The following PTPN13 variants were observed in gnomAD, a reference collection of about 807,000 sequenced individuals.
The protein encoded by PTPN13 is tyrosine-protein phosphatase non-receptor type 13.
Under a neutral mutation model 284.0 loss-of-function variants are expected in PTPN13, and 191 were observed. That is an observed-to-expected ratio of 0.67 (90% confidence interval 0.60 to 0.76). The LOEUF (loss-of-function observed/expected upper bound fraction) is 0.76, where lower values mean the gene tolerates loss of function less well. PTPN13 is among the 30% of genes least tolerant of loss of function. The pLI is 0.00. For synonymous variants in PTPN13, 986 were observed against 1,022.3 expected (o/e 0.96, Z 0.68); for missense variants, 2,797 against 2,939.9 (o/e 0.95, Z 1.12).
rs771989461 is a variant in PTPN13, at chr4:86,770,175, A to C, written c.4779A>C (p.Leu1593=). The stretch of plus-strand genomic sequence containing the variant: ...TCTGCAGACCTCCACCTGGTGTGCT[A>C]CCGGAAATTGATACTGCGCTTTTGG... ...LLLCRPPPGV[L]PEIDTALLTP... The change falls in exon 30 of 48, where the codon CTA becomes CTC. Residue 1593 remains leucine, a synonymous_variant. Transcript: ENST00000411767. 6.2e-7 allele frequency: 1 copy of C among 1,613,640 alleles called. No homozygotes were observed. The highest frequency in any genetic ancestry group is 8.5e-7 in the Non-Finnish European group (1 of 1,179,680).
In PTPN13 at chr4:86,686,725, C is replaced by T; in HGVS notation, c.310C>T (p.Leu104Phe). 6.4e-7 allele frequency: 1 copy of T among 1,571,724 alleles called. No individual in the cohort carries two copies. Among genetic ancestry groups the T allele is most frequent in the Non-Finnish European group, 8.6e-7 (1 of 1,157,358 alleles). ...SDVEKIHIYS[L>F]GMTLYWGADY... ...CTATTCCTAGATCCACATTTATTCTCTTGGAATGACACTGTATTGGGGGGC... is the reference window on the plus strand; with the variant it reads ...CTATTCCTAGATCCACATTTATTCTTTTGGAATGACACTGTATTGGGGGGC... The change falls in exon 4 of 48, where the codon CTT becomes TTT. Residue 104 changes from leucine (L) to phenylalanine (F), a missense_variant. Transcript: ENST00000411767.
At chr4:86,624,705 A>G (rs1721635287) in intron 1 of PTPN13, among the ~76,000 whole-genome samples, 1 of 152,092 alleles carries the variant, frequency 6.6e-6, no homozygotes, top group South Asian at 2.1e-4. Flanking sequence ...AGTTGCAGCT[A>G]CTTGGGAGGC....
intron 40 of PTPN13, 51 bp downstream of exon 40, chr4:86,785,987 G>C: frequency 1.9e-6 from 2 of 1,052,786 alleles, no homozygotes; most frequent in Non-Finnish European, 2.7e-6. Flanking sequence ...TTACAATTAT[G>C]GGTTTAACCC....
chr4:86,694,414 C>G (rs1480186263), intron 6 of PTPN13, among the ~76,000 whole-genome samples: 1 of 151,236 alleles, frequency 6.6e-6, no homozygotes, highest in African/African-American at 2.4e-5. Context: ...AATCCCATCT[C>G]TCTAAAAATA....
intron 40 of PTPN13, among the ~76,000 whole-genome samples, chr4:86,793,678 T>C (rs146513517): frequency 0.14 from 20,685 of 152,072 alleles, 1,798 homozygotes; most frequent in East Asian, 0.3. Flanking sequence ...TGCAATCAAA[T>C]TAGAACTCAG....
intron 9 of PTPN13, among the ~76,000 whole-genome samples, chr4:86,719,094 A>G (rs1485838904): frequency 6.6e-6 from 1 of 152,172 alleles, no homozygotes; most frequent in Non-Finnish European, 1.5e-5. Context: ...AGCCCAGTAC[A>G]CAACAGTTAT....
At chr4:86,772,713 G>T in intron 31 of PTPN13, 65 bp from the exon 32 acceptor site, 1 of 1,317,600 alleles carries the variant, frequency 7.6e-7, no homozygotes, top group East Asian at 2.4e-5. Flanking sequence ...TCTGTTTCTG[G>T]CACAAACTAA....
At chr4:86,808,269 G>A (rs1744860562) in intron 45 of PTPN13, among the ~76,000 whole-genome samples, 1 of 152,200 alleles carries the variant, frequency 6.6e-6, no homozygotes, top group South Asian at 2.1e-4. Flanking sequence ...AAATCTTTAA[G>A]TAGAAAATAT....
Position 86,706,765 on chromosome 4 carries a change from A to G in PTPN13, c.1195+4964A>G, listed in dbSNP as rs147706443. ...ACTGCGATTATTAAGTTAACTTTTC[A>G]GATAGTTCTCTACATACGTAAAGCA... On this transcript the variant is annotated intron_variant, in intron 7 of 47. Transcript: ENST00000411767. 3.6e-3 allele frequency among the ~76,000 whole-genome samples: 541 copies of G among 152,340 alleles called. 3 individuals carry two copies. The highest frequency in any genetic ancestry group is 0.012 in the African/African-American group (514 of 41,570).
Position 86,672,548 on chromosome 4 carries a change from C to T in PTPN13, c.294+5C>T. 1 of 1,589,302 alleles carries T rather than the reference C, an allele frequency of 6.3e-7. No individual in the cohort carries two copies. Among genetic ancestry groups the T allele is most frequent in the Non-Finnish European group, 8.6e-7 (1 of 1,166,828 alleles). On this transcript the variant is annotated splice_donor_5th_base_variant and intron_variant, in intron 3 of 47. Coordinates refer to ENST00000411767, the MANE Select transcript of PTPN13 (RefSeq NM_080683.3). The stretch of plus-strand genomic sequence containing the variant: ...TCTCTCTCAGATGTTGAAAAGGTAA[C>T]TGTTAAATTTTTTTGTTTGTTTTTT...
chr4:86,807,703 A>G lies in PTPN13; in HGVS notation c.6889A>G (p.Ile2297Val), dbSNP rs1165628972. 6.2e-7 allele frequency: 1 copy of G among 1,614,040 alleles called. No individual in the cohort carries two copies. Among genetic ancestry groups the G allele is most frequent in the South Asian group, 1.1e-5 (1 of 91,080 alleles). The change falls in exon 45 of 48, where the codon ATT becomes GTT. Residue 2297 changes from isoleucine to valine, a missense_variant. Physicochemically the swap from Ile to Val is conservative, Grantham distance 29. Coordinates refer to ENST00000411767, the MANE Select transcript of PTPN13 (RefSeq NM_080683.3). ...PTTVGDFWQM[I>V]WEQKSTVIAM... Reference sequence around the variant, plus strand: ...AACTGTTGGAGACTTCTGGCAGATGATTTGGGAGCAAAAATCCACAGTGAT... The same window carrying G: ...AACTGTTGGAGACTTCTGGCAGATGGTTTGGGAGCAAAAATCCACAGTGAT...
At position 86,769,871 on chromosome 4, in the gene PTPN13, T is replaced by G. The variant is rs975149655; in HGVS notation, c.4592T>G (p.Val1531Gly). The change falls in exon 29 of 48, where the codon GTA (valine) becomes GGA (glycine). Residue 1531 changes from valine to glycine, a missense_variant. Coordinates refer to ENST00000411767, the MANE Select transcript of PTPN13 (RefSeq NM_080683.3). ...LIPEQINASI[V>G]RVKKLFPGQP... is the part of the protein sequence containing the mutation. Reference sequence around the variant, plus strand: ...CCGGAGCAAATTAATGCCAGCATAGTAAGGGTTAAAAAGCTCTTTCCTGGA... The same window carrying G: ...CCGGAGCAAATTAATGCCAGCATAGGAAGGGTTAAAAAGCTCTTTCCTGGA... 3.1e-6 allele frequency: 5 copies of G among 1,613,922 alleles called. No individual in the cohort carries two copies. The highest frequency in any genetic ancestry group is 4.2e-6 in the Non-Finnish European group (5 of 1,179,832).
chr4:86,688,863 A>C, intron 4 of PTPN13, 142 bp from the exon 5 acceptor site: 1 of 568,892 alleles, frequency 1.8e-6, no homozygotes, highest in South Asian at 3.7e-5. Context: ...TAAAATGCTT[A>C]TGCTGATAAA....
intron 4 of PTPN13, among the ~76,000 whole-genome samples, chr4:86,687,054 A>G (rs945140170): frequency 6.6e-6 from 1 of 152,264 alleles, no homozygotes; most frequent in African/African-American, 2.4e-5. Flanking sequence ...TTCAAAAATT[A>G]TAGCAAGATA....
In PTPN13 at chr4:86,758,809, C is replaced by G. The variant is rs200183883; in HGVS notation, c.3421+24C>G. On this transcript the variant is annotated intron_variant, in intron 22 of 47. Coordinates refer to ENST00000411767, the MANE Select transcript of PTPN13 (RefSeq NM_080683.3). ...AGGTACTTTACATTTTGGTAGTTTTCTAAGTATTTTCTGACAGGCATGAAT... is the reference window on the plus strand; with the variant it reads ...AGGTACTTTACATTTTGGTAGTTTTGTAAGTATTTTCTGACAGGCATGAAT... 397 of 1,604,100 alleles carry G rather than the reference C, an allele frequency of 2.5e-4. 2 individuals are homozygous for G. The African/African-American group carries it at 4.5e-3, about 18-fold the overall frequency.
intron 15 of PTPN13, among the ~76,000 whole-genome samples, chr4:86,737,253 A>T (rs192673421): frequency 1.6e-4 from 24 of 151,674 alleles, no homozygotes; most frequent in East Asian, 3.9e-4. Context: ...AAATAAAATA[A>T]AATATAAAAT....
intron 2 of PTPN13, among the ~76,000 whole-genome samples, chr4:86,650,387 C>G (rs1724953411): frequency 6.6e-6 from 1 of 152,178 alleles, no homozygotes; most frequent in African/African-American, 2.4e-5. Context: ...TCATGGCTCA[C>G]TGCAGCCTCT....
In PTPN13 at chr4:86,764,621, A is replaced by T. The variant is rs1425640173; in HGVS notation, c.4046A>T (p.Asn1349Ile). ...TCTTCCTCTTCAGTGAATACATCCA[A>T]CAAGATGAATTTTAAAACTTTTTCT... ...QESSSSVNTS[N>I]KMNFKTFSSS... is the part of the protein sequence containing the mutation. Residue 1349 changes from asparagine (N) to isoleucine (I), a missense_variant, in exon 25 of 48, where the codon AAC (asparagine) becomes ATC (isoleucine). Transcript: ENST00000411767. 1 of 1,550,690 alleles carries T rather than the reference A, an allele frequency of 6.4e-7. No homozygotes were observed.
chr4:86,788,034 G>T (rs1742188404), intron 40 of PTPN13, among the ~76,000 whole-genome samples: 1 of 152,136 alleles, frequency 6.6e-6, no homozygotes, highest in African/African-American at 2.4e-5. Context: ...GAATAAATGG[G>T]ACTTTTGCTT....
Sources: gnomAD v4.1 joint callset for allele counts (sites outside exome capture counted in the v4.1 genomes callset) on GRCh38, gnomAD v4.1.1 for gene constraint, MANE v1.5 for transcripts, NCBI Gene and HGNC (gene_info 2026-07-23, HGNC 2026-07-21) for gene names.